CNTN4: variants seen among roughly 807,000 people sequenced by gnomAD.
The protein encoded by CNTN4 is contactin-4.
CNTN4 carries 77 observed loss-of-function variants against 122.5 expected under a neutral mutation model. That is an observed-to-expected ratio of 0.63 (90% CI 0.52 to 0.76). CNTN4 has a LOEUF of 0.76. Ranked by LOEUF, CNTN4 falls within the 30% of genes least tolerant of loss-of-function variation. CNTN4 has a pLI of 0.00. For synonymous variants in CNTN4, 512 were observed against 447.0 expected, an observed-to-expected ratio of 1.15 and a Z score of -1.83; for missense variants, 1,256 against 1,259.1, an observed-to-expected ratio of 1.00 and a Z score of 0.04.
chr3:2,262,040 C>G (rs1020297203), intron 2 of CNTN4, among the ~76,000 whole-genome samples: 8 of 152,104 alleles, frequency 5.3e-5, no homozygotes, highest in Non-Finnish European at 1.0e-4. Context: ...TTTCCTCAGC[C>G]AGATTCAGAG....
chr3:2,377,276 A>G (rs1452016431), intron 3 of CNTN4, among the ~76,000 whole-genome samples: 1 of 152,162 alleles, frequency 6.6e-6, no homozygotes, highest in Admixed American at 6.5e-5. Flanking sequence ...CCTCTCCCTA[A>G]TAGGAAGGAA....
At chr3:2,614,753 A>G (rs1189365412) in intron 4 of CNTN4, among the ~76,000 whole-genome samples, 1 of 152,142 alleles carries the variant, frequency 6.6e-6, no homozygotes, top group Non-Finnish European at 1.5e-5. Context: ...GATGCCTGTC[A>G]GACATCCTTG....
chr3:2,801,699 G>A (rs1404328709), intron 6 of CNTN4, among the ~76,000 whole-genome samples: 1 of 150,306 alleles, frequency 6.7e-6, no homozygotes, highest in African/African-American at 2.5e-5. Flanking sequence ...CTGTCAGACA[G>A]TGAGGTAGGT....
chr3:2,389,606 A>G (rs553089686), intron 3 of CNTN4, among the ~76,000 whole-genome samples: 4 of 151,194 alleles, frequency 2.6e-5, no homozygotes, highest in Admixed American at 1.3e-4. Context: ...TCCTTTTACT[A>G]TGGTCTATCT....
In CNTN4 at chr3:2,195,275, A is replaced by G. The variant is rs145008405; in HGVS notation, c.-145+94636A>G. Among the ~76,000 whole-genome samples, 158 of 152,352 alleles carry G rather than the reference A, an allele frequency of 1.0e-3. 1 individual carries two copies. Among genetic ancestry groups the G allele is most frequent in the African/African-American group, 3.4e-3 (143 of 41,584 alleles). ...ATTTCATTCTTTTTCATGTCTGAAT[A>G]GTATTCCATTGTCTACATATTCCAC... On this transcript the variant is annotated intron_variant, in intron 2 of 24. Coordinates refer to ENST00000418658, the MANE Select transcript of CNTN4 (RefSeq NM_175607.3).
chr3:2,252,917 A>C (rs1037175614), intron 2 of CNTN4, among the ~76,000 whole-genome samples: 1 of 152,096 alleles, frequency 6.6e-6, no homozygotes, highest in African/African-American at 2.4e-5. Flanking sequence ...ATAAGTTCTT[A>C]GTCTTTAAAG....
At chr3:2,626,258 C>T (rs568042156) in intron 4 of CNTN4, among the ~76,000 whole-genome samples, 1 of 152,116 alleles carries the variant, frequency 6.6e-6, no homozygotes, top group East Asian at 1.9e-4. Flanking sequence ...CAATCTAAGG[C>T]CGAGGTGGGC....
intron 2 of CNTN4, among the ~76,000 whole-genome samples, chr3:2,221,217 A>C (rs1398011360): frequency 1.3e-5 from 2 of 152,090 alleles, no homozygotes; most frequent in Non-Finnish European, 2.9e-5. Context: ...TTTCGTTGGA[A>C]GTTTGTGGAG....
At chr3:2,522,159 G>C (rs930330173) in intron 3 of CNTN4, among the ~76,000 whole-genome samples, 3 of 128,572 alleles carry the variant, frequency 2.3e-5, no homozygotes, top group African/African-American at 9.5e-5. Flanking sequence ...TTGTGTGTGT[G>C]TGTGTGTGTG....
Position 2,819,466 on chromosome 3 carries a change from T to A in CNTN4, c.359-20T>A. On this transcript the variant is annotated intron_variant, in intron 6 of 24. Transcript: ENST00000418658. Reference sequence around the variant, plus strand: ...AGGACTTTAAAGTTTAAATGCTTTTTCCCATATTTCTCCCAACAGATCTTG... The same window carrying A: ...AGGACTTTAAAGTTTAAATGCTTTTACCCATATTTCTCCCAACAGATCTTG... 1 of 1,576,810 alleles carries A rather than the reference T, an allele frequency of 6.3e-7. No individual in the cohort carries two copies. The highest frequency in any genetic ancestry group is 8.7e-7 in the Non-Finnish European group (1 of 1,146,072).
intron 4 of CNTN4, among the ~76,000 whole-genome samples, chr3:2,712,131 TATC>T (rs1400323975): frequency 6.6e-6 from 1 of 152,170 alleles, no homozygotes; most frequent in African/African-American, 2.4e-5. Context: ...GGAAAGTTGT[TATC>T]AGTGCAAAAC....
intron 6 of CNTN4, among the ~76,000 whole-genome samples, chr3:2,804,166 G>T (rs565790741): frequency 3.3e-5 from 5 of 151,658 alleles, no homozygotes; most frequent in Non-Finnish European, 7.4e-5. Flanking sequence ...GTATAGTCAG[G>T]GAGGAATACA....
chr3:2,174,061 T>C (rs1188468632), intron 2 of CNTN4, among the ~76,000 whole-genome samples: 1 of 152,080 alleles, frequency 6.6e-6, no homozygotes, highest in Non-Finnish European at 1.5e-5. Context: ...GCTAAATGAG[T>C]GTCGCTGAGC....
chr3:2,404,054 A>C (rs939230928), intron 3 of CNTN4, among the ~76,000 whole-genome samples: 2 of 152,188 alleles, frequency 1.3e-5, no homozygotes, highest in African/African-American at 4.8e-5. Flanking sequence ...GTTATTGTGC[A>C]TGAGGCTCTA....
intron 4 of CNTN4, among the ~76,000 whole-genome samples, chr3:2,632,581 G>T (rs2082491308): frequency 6.6e-6 from 1 of 152,146 alleles, no homozygotes; most frequent in Non-Finnish European, 1.5e-5. Context: ...TTGACATTGA[G>T]AGAACCCTGA....
At chr3:2,410,437 A>G (rs776753041) in intron 3 of CNTN4, among the ~76,000 whole-genome samples, 20 of 152,252 alleles carry the variant, frequency 1.3e-4, no homozygotes, top group South Asian at 6.2e-4. Context: ...ACTTTACCAC[A>G]TCAGGCAGTG....
intron 2 of CNTN4, among the ~76,000 whole-genome samples, chr3:2,309,330 C>T (rs912340936): frequency 1.3e-5 from 2 of 151,988 alleles, no homozygotes; most frequent in African/African-American, 4.8e-5. Context: ...TAACTTTCAG[C>T]CTGTTTTTGT....
chr3:2,923,764 TATC>T (rs2094449431), intron 12 of CNTN4, among the ~76,000 whole-genome samples: 1 of 152,200 alleles, frequency 6.6e-6, no homozygotes, highest in African/African-American at 2.4e-5. Flanking sequence ...GAATTTAACT[TATC>T]TTTTTAATCA....
intron 6 of CNTN4, among the ~76,000 whole-genome samples, chr3:2,758,236 T>A (rs957611166): frequency 6.6e-6 from 1 of 152,216 alleles, no homozygotes; most frequent in African/African-American, 2.4e-5. Context: ...GAATAAATGC[T>A]GTTAAGTGAT....
Sources: allele counts gnomAD v4.1 joint callset (sites outside exome capture counted in the v4.1 genomes callset), GRCh38; gene constraint gnomAD v4.1.1; transcripts MANE v1.5; gene names NCBI Gene and HGNC (gene_info 2026-07-23, HGNC 2026-07-21).